Variants in PLK1 observed in about 807,000 individuals in gnomAD.
PLK1 encodes the protein polo like kinase 1.
A neutral mutation model predicts 56.7 loss-of-function variants in PLK1; 6 were observed. That is an observed-to-expected ratio of 0.11 (90% CI 0.06 to 0.21). The LOEUF is 0.21. Among genes scored for constraint, PLK1 ranks in the 10% least tolerant of loss-of-function variants. The pLI is 1.00. For missense variants in PLK1, 546 were observed against 814.4 expected (o/e 0.67, Z 4.01); for synonymous variants, 298 against 325.0 (o/e 0.92, Z 0.89).
At position 23,682,159 on chromosome 16, in the gene PLK1, T is replaced by C; in HGVS notation, c.816+2T>C. ...AAGAATGAATACAGTATTCCCAAGG[T>C]GACTAATGATGCTTTAAGTTTACAT... is the stretch of plus-strand genomic sequence containing the variant. On this transcript the variant is annotated splice_donor_variant, in intron 4 of 9. Transcript: ENST00000300093. LOFTEE classifies it high-confidence loss of function. The C allele has an allele frequency of 7.1e-7, 1 of 1,415,836 alleles. No homozygotes were observed. The highest frequency in any genetic ancestry group is 1.0e-6 in the Non-Finnish European group (1 of 1,000,144). 87.7% of individuals were successfully genotyped at this position (1,415,836 alleles called of 1,614,324 possible).
intron 4 of PLK1, among the ~76,000 whole-genome samples, chr16:23,683,102 C>T (rs144516300): frequency 0.028 from 4,221 of 150,804 alleles, 82 homozygotes; most frequent in Middle Eastern, 0.097. Context: ...GGCATTCTCC[C>T]GCCTCAGCCT....
intron 2 of PLK1, 67 bp from the exon 3 acceptor site, chr16:23,680,847 A>C: frequency 6.7e-7 from 1 of 1,483,122 alleles, no homozygotes; most frequent in Middle Eastern, 1.8e-4. Flanking sequence ...AACCTTAACT[A>C]GCCTTCTGCA....
At position 23,684,031 on chromosome 16, in the gene PLK1, G is replaced by T; in HGVS notation, c.978G>T (p.Ser326=). The change falls in exon 5 of 10, where the codon TCG becomes TCT. Residue 326 remains serine, a synonymous_variant. Coordinates refer to ENST00000300093, the MANE Select transcript of PLK1 (RefSeq NM_005030.6). ...GCCTGACCATTCCACCAAGGTTTTCGATTGCTCCCAGCAGCCTGGACCCCA... is the reference window on the plus strand; with the variant it reads ...GCCTGACCATTCCACCAAGGTTTTCTATTGCTCCCAGCAGCCTGGACCCCA... ...ITCLTIPPRF[S]IAPSSLDPSN... is the part of the protein sequence containing the mutation. The T allele has an allele frequency of 5.0e-6, 8 of 1,614,068 alleles. No homozygotes were observed. The highest frequency in any genetic ancestry group is 1.7e-5 in the Admixed American group (1 of 60,006).
At chr16:23,687,662 TG>T in intron 6 of PLK1, 38 bp downstream of exon 6, 1 of 1,462,596 alleles carries the variant, frequency 6.8e-7, no homozygotes, top group Non-Finnish European at 9.2e-7. Context: ...CAGGATTGCT[TG>T]GGGCATCTGG....
Position 23,679,087 on chromosome 16 carries a change from G to A in PLK1, c.155G>A (p.Arg52His), listed in dbSNP as rs750121456. 3 of 1,606,404 alleles carry A rather than the reference G, an allele frequency of 1.9e-6. No homozygotes were observed. In the Admixed American group the frequency reaches 5.0e-5, roughly 27 times the overall value. The change falls in exon 1 of 10, where the codon CGC becomes CAC. Residue 52 changes from arginine to histidine, a missense_variant. This residue lies in a region of PLK1 where 111 missense variants were observed against 211.8 expected (regional missense o/e 0.52). Coordinates refer to ENST00000300093, the MANE Select transcript of PLK1 (RefSeq NM_005030.6). ...EVLVDPRSRR[R>H]YVRGRFLGKG... ...CTAGTGGACCCACGCAGCCGGCGGC[G>A]CTATGTGCGGGGCCGCTTTTTGGGC...
At chr16:23,681,424 C>T (rs1959329401) in intron 3 of PLK1, among the ~76,000 whole-genome samples, 1 of 152,094 alleles carries the variant, frequency 6.6e-6, no homozygotes, top group South Asian at 2.1e-4. Context: ...TAACAAGGTC[C>T]CTTGGTGATT....
At chr16:23,684,957 C>CTTTTTTTTTTT (rs71154221) in intron 5 of PLK1, among the ~76,000 whole-genome samples, 3 of 56,944 alleles carry the variant, frequency 5.3e-5, no homozygotes, top group African/African-American at 6.8e-5. Flanking sequence ...CAGGCCCGGC[C>CTTTTTTTTTTT]TTTTTTTTTT....
chr16:23,688,562 G>T, intron 6 of PLK1, 106 bp from the exon 7 acceptor site: 1 of 886,016 alleles, frequency 1.1e-6, no homozygotes, highest in East Asian at 2.4e-5. Flanking sequence ...GAGCCCAGGT[G>T]GGGTGCCCAG....
rs7197531 is a variant in PLK1 at position 23,683,685 on chromosome 16, C to G, written c.817-185C>G. Among the ~76,000 whole-genome samples, 848 of 152,250 alleles carry G rather than the reference C, an allele frequency of 5.6e-3. 5 individuals are homozygous for G. Among genetic ancestry groups the G allele is most frequent in the African/African-American group, 0.019 (809 of 41,524 alleles). ...GGCCACAGTCCATTGACCCTTCTGT[C>G]AATGGTGCTCAGTAAAGCTGACAGT... On this transcript the variant is annotated intron_variant, in intron 4 of 9. Coordinates refer to ENST00000300093, the MANE Select transcript of PLK1 (RefSeq NM_005030.6).
Position 23,689,973 on chromosome 16 carries a change from G to T in PLK1, c.1722G>T (p.Lys574Asn), listed in dbSNP as rs770360171. 1.5e-5 allele frequency: 25 copies of T among 1,613,876 alleles called. No homozygotes were observed. The highest frequency in any genetic ancestry group is 1.9e-5 in the Non-Finnish European group (23 of 1,179,992). ...TCCTGGAGGAGTACGGCTGCTGCAA[G>T]GAGCTGGCCAGCCGGCTCCGCTACG... ...LSLLEEYGCC[K>N]ELASRLRYAR... The change falls in exon 10 of 10, where the codon AAG becomes AAT. Residue 574 changes from lysine (K) to asparagine (N), a missense_variant. Coordinates refer to ENST00000300093, the MANE Select transcript of PLK1 (RefSeq NM_005030.6). This position sits in a 1 kb window ranked among gnomAD's most constrained non-coding sequence, Gnocchi z 4.8.
chr16:23,689,635 C>A lies in PLK1; in HGVS notation c.1567C>A (p.Leu523Met), dbSNP rs1299669276. The change falls in exon 9 of 10, where the codon CTG (leucine) becomes ATG (methionine). Residue 523 changes from leucine (L) to methionine (M), a missense_variant. By Grantham distance (15) the Leu-to-Met change is conservative. Transcript: ENST00000300093. This position sits in a 1 kb window ranked among gnomAD's most constrained non-coding sequence, Gnocchi z 4.8. ...TWFRTRSAIILHLSNGSVQIN... is the reference protein window; with the variant it reads ...TWFRTRSAIIMHLSNGSVQIN... Reference sequence around the variant, plus strand: ...GTTCCGCACCCGCAGCGCCATCATCCTGCACCTCAGCAACGGCAGCGTGCA... The same window carrying A: ...GTTCCGCACCCGCAGCGCCATCATCATGCACCTCAGCAACGGCAGCGTGCA... The A allele has an allele frequency of 1.9e-6, 3 of 1,611,802 alleles. No individual in the cohort carries two copies. In the Admixed American group the frequency reaches 5.0e-5, roughly 27 times the overall value.
At position 23,683,769 on chromosome 16, in the gene PLK1, G is replaced by A. The variant is rs1959378637; in HGVS notation, c.817-101G>A. The A allele has an allele frequency of 2.3e-6, 2 of 856,498 alleles. 1 individual carries two copies. Among genetic ancestry groups the A allele is most frequent in the Admixed American group, 3.5e-5 (2 of 57,620 alleles). The allele number at this position is 856,498 out of a possible 1,614,324, so 53.1% of individuals were successfully genotyped here. On this transcript the variant is annotated intron_variant, in intron 4 of 9. Coordinates refer to ENST00000300093, the MANE Select transcript of PLK1 (RefSeq NM_005030.6). ...CTGACCTGTGGTGTATTTGAGACTG[G>A]GGGCTGCATGTGGGCTGGGGACCTG...
At chr16:23,680,766 C>T (rs1473065913) in intron 2 of PLK1, 148 bp from the exon 3 acceptor site, 1 of 745,696 alleles carries the variant, frequency 1.3e-6, no homozygotes, top group African/African-American at 1.8e-5. Context: ...GAGGAAGATT[C>T]CTGGGCAAGC....
chr16:23,687,429 C>T (rs375510146), intron 5 of PLK1, 40 bp from the exon 6 acceptor site: 96 of 1,496,744 alleles, frequency 6.4e-5, no homozygotes, highest in African/African-American at 3.8e-4. Flanking sequence ...AGGGGAGTCC[C>T]GTGCCCTTCC....
At chr16:23,687,785 C>T in intron 6 of PLK1, 161 bp downstream of exon 6, 2 of 440,332 alleles carry the variant, frequency 4.5e-6, no homozygotes, top group East Asian at 3.5e-5. Context: ...GCTTCCGTGG[C>T]TCCTGCCGCC....
At chr16:23,681,179 G>A in intron 3 of PLK1, 121 bp downstream of exon 3, 1 of 844,718 alleles carries the variant, frequency 1.2e-6, no homozygotes, top group Non-Finnish European at 2.0e-6. Flanking sequence ...TACTCCAAGG[G>A]ACAAGTCATC....
At chr16:23,681,846 A>G (rs950458820) in intron 3 of PLK1, among the ~76,000 whole-genome samples, 11 of 152,192 alleles carry the variant, frequency 7.2e-5, no homozygotes, top group African/African-American at 2.7e-4. Flanking sequence ...GGCCCTTAAG[A>G]ATCCTGGTCT....
At position 23,681,058 on chromosome 16, in the gene PLK1, T is replaced by C. The variant is rs572490408; in HGVS notation, c.722T>C (p.Met241Thr). ...GATGTGTGGTCCATTGGGTGTATCATGTAAGTTGGGAGTTGTCTCTGGACC... is the reference window on the plus strand; with the variant it reads ...GATGTGTGGTCCATTGGGTGTATCACGTAAGTTGGGAGTTGTCTCTGGACC... ...EVDVWSIGCIMYTLLVGKPPF... is the reference protein window; with the variant it reads ...EVDVWSIGCITYTLLVGKPPF... Residue 241 changes from methionine (M) to threonine (T), a missense_variant and splice_region_variant, in exon 3 of 10, where the codon ATG (methionine) becomes ACG (threonine). By Grantham distance (81) the Met-to-Thr change is moderately conservative. Around this residue, in one of 7 missense-constraint regions of PLK1, gnomAD observed 21 missense variants for 58.4 expected, o/e 0.36. Transcript: ENST00000300093. 4.3e-6 allele frequency: 7 copies of C among 1,611,986 alleles called. No homozygotes were observed. Among genetic ancestry groups the C allele is most frequent in the Non-Finnish European group, 5.1e-6 (6 of 1,179,290 alleles).
At chr16:23,682,257 C>T in intron 4 of PLK1, 100 bp downstream of exon 4, 2 of 678,736 alleles carry the variant, frequency 2.9e-6, no homozygotes, top group Non-Finnish European at 5.2e-6. Flanking sequence ...TCTATCCCAC[C>T]TCTAAGGTAG....
Sources: gnomAD v4.1 joint callset for allele counts (sites outside exome capture counted in the v4.1 genomes callset) on GRCh38, gnomAD v4.1.1 for gene constraint, gnomAD v4.1.1 regional missense constraint, Gnocchi (gnomAD v3.1) non-coding constraint, MANE v1.5 for transcripts, NCBI Gene and HGNC (gene_info 2026-07-23, HGNC 2026-07-21) for gene names.